EEFSEC: variants seen among roughly 807,000 people sequenced by gnomAD.
EEFSEC encodes eukaryotic elongation factor, selenocysteine-tRNA specific.
In EEFSEC, 43 loss-of-function variants were observed where a neutral mutation model predicts 42.1. The ratio of observed to expected loss-of-function variants is 1.02; its 90% CI spans 0.80 to 1.32. The LOEUF (loss-of-function observed/expected upper bound fraction) is 1.32. Among genes scored for constraint, EEFSEC ranks in the 40% most tolerant of loss-of-function variants. The pLI is 0.00. For missense variants in EEFSEC, 745 were observed against 803.6 expected, an observed-to-expected ratio of 0.93 and a Z score of 0.88; for synonymous variants, 354 against 339.1, an observed-to-expected ratio of 1.04 and a Z score of -0.48.
chr3:128,406,245 T>A (rs1366281939), intron 6 of EEFSEC, among the ~76,000 whole-genome samples: 17 of 152,212 alleles, frequency 1.1e-4, no homozygotes, highest in Admixed American at 1.0e-3. Flanking sequence ...TCCTCATGAA[T>A]ACAAGCCCCA....
chr3:128,294,881 A>C (rs2066685360), intron 4 of EEFSEC, among the ~76,000 whole-genome samples: 1 of 152,204 alleles, frequency 6.6e-6, no homozygotes, highest in Non-Finnish European at 1.5e-5. Context: ...GAAACACATC[A>C]TACCTCCAAT....
At chr3:128,261,162 G>A (rs1395646435) in intron 2 of EEFSEC, among the ~76,000 whole-genome samples, 3 of 152,228 alleles carry the variant, frequency 2.0e-5, no homozygotes, top group African/African-American at 7.2e-5. Context: ...CAAAGAGACT[G>A]AGAGCCCTGG....
intron 1 of EEFSEC, among the ~76,000 whole-genome samples, chr3:128,189,764 T>C (rs1356054032): frequency 6.6e-6 from 1 of 151,678 alleles, no homozygotes; most frequent in East Asian, 2.0e-4. Context: ...CTCACCATGT[T>C]GCCCAGGCTG....
At chr3:128,202,298 A>G (rs1344014608) in intron 1 of EEFSEC, among the ~76,000 whole-genome samples, 2 of 152,202 alleles carry the variant, frequency 1.3e-5, no homozygotes, top group African/African-American at 2.4e-5. Flanking sequence ...CTGACTCTTA[A>G]CAATATTGAG....
chr3:128,355,917 GAGGGAGCCATGGGCCAC>G (rs2067447746), intron 5 of EEFSEC, among the ~76,000 whole-genome samples: 1 of 152,258 alleles, frequency 6.6e-6, no homozygotes, highest in South Asian at 2.1e-4. Context: ...AGTACAGGAA[GAGGGAGCCATGGGCCAC>G]AGGGAACGCT....
chr3:128,329,412 A>ACCC (rs577323878), intron 4 of EEFSEC, among the ~76,000 whole-genome samples: 8 of 137,874 alleles, frequency 5.8e-5, no homozygotes, highest in African/African-American at 2.1e-4. Context: ...ACCCAGCCCC[A>ACCC]CCCCCCCCCA....
chr3:128,162,100 A>AT (rs1279084758), intron 1 of EEFSEC, among the ~76,000 whole-genome samples: 1 of 152,246 alleles, frequency 6.6e-6, no homozygotes, highest in East Asian at 1.9e-4. Flanking sequence ...ATACTGAGGC[A>AT]TATTTGAAGG....
At chr3:128,338,030 G>A (rs1292379945) in intron 4 of EEFSEC, among the ~76,000 whole-genome samples, 2 of 152,226 alleles carry the variant, frequency 1.3e-5, no homozygotes, top group African/African-American at 4.8e-5. Context: ...ATCGATAGGA[G>A]TCCAGGTTGT....
intron 4 of EEFSEC, among the ~76,000 whole-genome samples, chr3:128,291,554 T>A (rs1175583524): frequency 6.6e-6 from 1 of 152,190 alleles, no homozygotes; most frequent in Non-Finnish European, 1.5e-5. Flanking sequence ...GGCAATAAAT[T>A]TCTGCTCATT....
intron 6 of EEFSEC, among the ~76,000 whole-genome samples, chr3:128,369,914 T>G (rs1015877764): frequency 6.6e-6 from 1 of 152,206 alleles, no homozygotes; most frequent in South Asian, 2.1e-4. Flanking sequence ...AACAAGGACA[T>G]TCTCCTGCAG....
At chr3:128,228,029 A>C (rs543143227) in intron 1 of EEFSEC, among the ~76,000 whole-genome samples, 24 of 152,298 alleles carry the variant, frequency 1.6e-4, no homozygotes, top group Non-Finnish European at 2.6e-4. Context: ...GGATGCCACC[A>C]CTGAGGACTA....
intron 6 of EEFSEC, among the ~76,000 whole-genome samples, chr3:128,377,134 A>G (rs572174762): frequency 3.6e-4 from 55 of 152,322 alleles, no homozygotes; most frequent in African/African-American, 1.1e-3. Context: ...CCATAGTCCC[A>G]TTATTAATAT....
At chr3:128,360,198 A>C (rs1330104141) in intron 6 of EEFSEC, among the ~76,000 whole-genome samples, 1 of 152,170 alleles carries the variant, frequency 6.6e-6, no homozygotes, top group Non-Finnish European at 1.5e-5. Context: ...ACCTCAGCCA[A>C]ACAGGAGTCT....
chr3:128,188,815 G>C (rs1338847567), intron 1 of EEFSEC, among the ~76,000 whole-genome samples: 1 of 152,164 alleles, frequency 6.6e-6, no homozygotes, highest in Non-Finnish European at 1.5e-5. Flanking sequence ...TGTGCCTGAG[G>C]GGGCATGGTG....
chr3:128,196,202 A>G (rs921304175), intron 1 of EEFSEC, among the ~76,000 whole-genome samples: 1 of 152,268 alleles, frequency 6.6e-6, no homozygotes, highest in Non-Finnish European at 1.5e-5. Context: ...AAAAAACTGC[A>G]AAGACAAGGT....
At chr3:128,400,633 T>G (rs1346092878) in intron 6 of EEFSEC, among the ~76,000 whole-genome samples, 1 of 152,236 alleles carries the variant, frequency 6.6e-6, no homozygotes, top group African/African-American at 2.4e-5. Flanking sequence ...GACCCCAAGC[T>G]GCTTGCAAGG....
chr3:128,204,833 A>G (rs1306583007), intron 1 of EEFSEC, among the ~76,000 whole-genome samples: 1 of 152,098 alleles, frequency 6.6e-6, no homozygotes, highest in Non-Finnish European at 1.5e-5. Context: ...CCACCCAGCC[A>G]TTTTTGCCTG....
At chr3:128,384,888 G>C (rs1300238283) in intron 6 of EEFSEC, among the ~76,000 whole-genome samples, 1 of 152,196 alleles carries the variant, frequency 6.6e-6, no homozygotes, top group South Asian at 2.1e-4. Context: ...GCTGTCCCCA[G>C]GTTGCCCGCA....
intron 6 of EEFSEC, among the ~76,000 whole-genome samples, chr3:128,374,953 G>A (rs1405373892): frequency 6.6e-6 from 1 of 152,232 alleles, no homozygotes; most frequent in Admixed American, 6.5e-5. Context: ...GCCTCTGACT[G>A]TTCTCATTTT....
Sources: allele counts gnomAD v4.1 joint callset (sites outside exome capture counted in the v4.1 genomes callset), GRCh38; gene constraint gnomAD v4.1.1; transcripts MANE v1.5; gene names NCBI Gene and HGNC (gene_info 2026-07-23, HGNC 2026-07-21).